The following TMEM217B variants were observed in gnomAD, a reference collection of about 807,000 sequenced individuals.
The protein encoded by TMEM217B is putative transmembrane protein 217B.
At chr6:37,233,892 T>C in the TMEM217B span, among the ~76,000 whole-genome samples, 2 of 152,202 alleles carry the variant, frequency 1.3e-5, no homozygotes, top group Admixed American at 6.5e-5. Flanking sequence ...AAAACAATAC[T>C]TGGAGTACCC....
At chr6:37,252,310 G>A in the TMEM217B span, among the ~76,000 whole-genome samples, 6 of 152,006 alleles carry the variant, frequency 3.9e-5, no homozygotes, top group Admixed American at 1.3e-4. Context: ...ACACAGCCCC[G>A]AGAGCTTATT....
the TMEM217B span, among the ~76,000 whole-genome samples, chr6:37,223,511 A>C: frequency 2.0e-5 from 3 of 152,128 alleles, no homozygotes; most frequent in Non-Finnish European, 4.4e-5. Context: ...CTCAACTCAA[A>C]TATTTTTCTT....
chr6:37,252,462 T>C, the TMEM217B span, among the ~76,000 whole-genome samples: 1 of 151,720 alleles, frequency 6.6e-6, no homozygotes, highest in Non-Finnish European at 1.5e-5. Context: ...CATACATACA[T>C]ACATGTATAC....
the TMEM217B span, among the ~76,000 whole-genome samples, chr6:37,229,341 T>TTTTG: frequency 2.1e-4 from 26 of 124,848 alleles, 1 homozygote; most frequent in East Asian, 4.7e-4. Flanking sequence ...TTCAGTTTTT[T>TTTTG]TTTTTTTTTT....
At chr6:37,256,242 TG>T in the TMEM217B span, among the ~76,000 whole-genome samples, 2 of 152,230 alleles carry the variant, frequency 1.3e-5, no homozygotes, top group Non-Finnish European at 2.9e-5. Flanking sequence ...TCTGAACTGC[TG>T]GTTGCCACCA....
the TMEM217B span, chr6:37,215,155 C>T: frequency 6.2e-7 from 1 of 1,604,220 alleles, no homozygotes; most frequent in Non-Finnish European, 8.5e-7. Flanking sequence ...CTTTCTGCCG[C>T]TAGCCAAGGT....
At chr6:37,233,777 A>T in the TMEM217B span, among the ~76,000 whole-genome samples, 1 of 152,146 alleles carries the variant, frequency 6.6e-6, no homozygotes, top group Non-Finnish European at 1.5e-5. Context: ...TAACTAACGA[A>T]GTTACTAACT....
At chr6:37,229,400 C>T in the TMEM217B span, among the ~76,000 whole-genome samples, 101 of 121,042 alleles carry the variant, frequency 8.3e-4, 2 homozygotes, top group Non-Finnish European at 2.2e-4. Flanking sequence ...TGGAGTGCAG[C>T]GGCGCGATCT....
the TMEM217B span, among the ~76,000 whole-genome samples, chr6:37,213,801 ATCT>A: frequency 7.2e-5 from 11 of 152,216 alleles, no homozygotes; most frequent in African/African-American, 2.2e-4. Context: ...CACAACCTGA[ATCT>A]TCTTCTTACT....
At chr6:37,231,073 T>C in the TMEM217B span, among the ~76,000 whole-genome samples, 7 of 152,028 alleles carry the variant, frequency 4.6e-5, no homozygotes, top group Admixed American at 3.9e-4. Context: ...TTATTTATTT[T>C]CTTTTTGAGA....
the TMEM217B span, among the ~76,000 whole-genome samples, chr6:37,247,992 A>G: frequency 6.6e-6 from 1 of 152,164 alleles, no homozygotes; most frequent in Non-Finnish European, 1.5e-5. Context: ...ACAGTTTCTC[A>G]TATGTAATTT....
the TMEM217B span, among the ~76,000 whole-genome samples, chr6:37,256,326 C>G: frequency 1.3e-5 from 2 of 152,162 alleles, no homozygotes; most frequent in African/African-American, 4.8e-5. Context: ...AAACAGCCAG[C>G]AAAAGGTCTG....
At chr6:37,218,191 AC>A in the TMEM217B span, 1 of 1,061,726 alleles carries the variant, frequency 9.4e-7, no homozygotes, top group Admixed American at 6.1e-5. Context: ...TTTTTGGGGG[AC>A]AGAGTCTTAC....
At chr6:37,256,462 T>A in the TMEM217B span, among the ~76,000 whole-genome samples, 4 of 152,092 alleles carry the variant, frequency 2.6e-5, no homozygotes, top group Non-Finnish European at 5.9e-5. Context: ...GCAAGTAAAA[T>A]AATTAAAAGA....
At chr6:37,214,924 C>T in the TMEM217B span, among the ~76,000 whole-genome samples, 10 of 152,306 alleles carry the variant, frequency 6.6e-5, no homozygotes, top group South Asian at 2.1e-4. Context: ...CGGTTCACAG[C>T]GCAGCTTCCA....
At chr6:37,218,471 C>T in the TMEM217B span, 3 of 1,613,568 alleles carry the variant, frequency 1.9e-6, no homozygotes, top group Non-Finnish European at 2.5e-6. Context: ...GCCACTGAAC[C>T]CACTCGAAAT....
At chr6:37,231,335 G>A in the TMEM217B span, among the ~76,000 whole-genome samples, 1 of 147,216 alleles carries the variant, frequency 6.8e-6, no homozygotes, top group African/African-American at 2.5e-5. Flanking sequence ...CTCCCAAAGT[G>A]CTGGGATTAC....
At chr6:37,240,827 CCTAT>C in the TMEM217B span, among the ~76,000 whole-genome samples, 6 of 152,184 alleles carry the variant, frequency 3.9e-5, no homozygotes, top group Non-Finnish European at 7.4e-5. Context: ...AATATATGTA[CCTAT>C]CTGTTTTAGC....
the TMEM217B span, among the ~76,000 whole-genome samples, chr6:37,225,590 C>T: frequency 6.6e-6 from 1 of 152,206 alleles, no homozygotes. Flanking sequence ...GCCTCCCATC[C>T]AACTAAAACA....
Sources: allele counts gnomAD v4.1 joint callset (sites outside exome capture counted in the v4.1 genomes callset), GRCh38; gene constraint gnomAD v4.1.1; transcripts MANE v1.5; gene names NCBI Gene and HGNC (gene_info 2026-07-23, HGNC 2026-07-21).